Variants in ZNF423 observed in about 807,000 individuals in gnomAD.
ZNF423 encodes the protein Ebf-associated zinc finger protein.
A neutral mutation model predicts 95.8 loss-of-function variants in ZNF423; 12 were observed. That is an observed-to-expected ratio of 0.13 (90% CI 0.08 to 0.20). The LOEUF is 0.20. Ranked by LOEUF, ZNF423 falls within the 10% of genes least tolerant of loss-of-function variation. The pLI, the probability that ZNF423 is intolerant of heterozygous loss-of-function variation, is 1.00. For synonymous variants in ZNF423, 749 were observed against 711.9 expected, an observed-to-expected ratio of 1.05 and a Z score of -0.83; for missense variants, 1,316 against 1,737.1, an observed-to-expected ratio of 0.76 and a Z score of 4.31.
chr16:49,629,318 A>C (rs1316824706), intron 4 of ZNF423, among the ~76,000 whole-genome samples: 1 of 151,914 alleles, frequency 6.6e-6, no homozygotes, highest in African/African-American at 2.4e-5. Flanking sequence ...TGAAATTTCA[A>C]CTCCATTTAT....
intron 5 of ZNF423, among the ~76,000 whole-genome samples, chr16:49,536,105 GCA>G (rs1013931824): frequency 4.7e-4 from 72 of 152,122 alleles, no homozygotes; most frequent in African/African-American, 1.6e-3. Context: ...TTACCAACGG[GCA>G]CACACAAACA....
At chr16:49,791,241 C>T (rs1256572472) in intron 1 of ZNF423, among the ~76,000 whole-genome samples, 1 of 152,188 alleles carries the variant, frequency 6.6e-6, no homozygotes, top group Admixed American at 6.5e-5. Context: ...TATTGTTTTA[C>T]TTAGCTAGTT....
Position 49,492,062 on chromosome 16 carries a change from C to T in ZNF423, c.3850-758G>A, listed in dbSNP as rs1966994277. On this transcript the variant is annotated intron_variant, in intron 7 of 7. Transcript: ENST00000563137. This position sits in a 1 kb window ranked among gnomAD's most constrained non-coding sequence, Gnocchi z 4.2. The stretch of plus-strand genomic sequence containing the variant: ...GTTTCCCTCTCATTACAGTCAATGG[C>T]ATTTCCTCCCCCTGCCAGCCAGAGG... Among the ~76,000 whole-genome samples, 1 of 152,220 alleles carries T rather than the reference C, an allele frequency of 6.6e-6. No individual in the cohort carries two copies. The highest frequency in any genetic ancestry group is 6.5e-5 in the Admixed American group (1 of 15,286).
intron 3 of ZNF423, among the ~76,000 whole-genome samples, chr16:49,725,807 A>T (rs934020271): frequency 1.4e-4 from 22 of 152,288 alleles, no homozygotes; most frequent in African/African-American, 5.3e-4. Flanking sequence ...TGCCCCCAGC[A>T]CCAGACTGCC....
At chr16:49,653,818 T>C (rs920629831) in intron 3 of ZNF423, among the ~76,000 whole-genome samples, 1 of 152,210 alleles carries the variant, frequency 6.6e-6, no homozygotes, top group Admixed American at 6.5e-5. Context: ...TCTGTCATCC[T>C]CCCTGACTTC....
intron 5 of ZNF423, among the ~76,000 whole-genome samples, chr16:49,569,175 C>A (rs964365307): frequency 6.6e-5 from 10 of 152,204 alleles, no homozygotes. Flanking sequence ...CTTTTCCCTC[C>A]TGGATGACAA....
intron 3 of ZNF423, among the ~76,000 whole-genome samples, chr16:49,647,187 G>A (rs181924844): frequency 2.6e-5 from 4 of 152,168 alleles, no homozygotes; most frequent in African/African-American, 4.8e-5. Context: ...ACTTGAACCA[G>A]GTACAGGTCT....
intron 3 of ZNF423, among the ~76,000 whole-genome samples, chr16:49,653,032 C>G (rs1260610712): frequency 6.6e-6 from 1 of 152,184 alleles, no homozygotes; most frequent in Admixed American, 6.5e-5. Flanking sequence ...TTTTGTCGTG[C>G]TCTGTGAATC....
Position 49,589,311 on chromosome 16 carries a change from G to A in ZNF423, c.3601+36859C>T, listed in dbSNP as rs968330841. The stretch of plus-strand genomic sequence containing the variant: ...GTAGGAACTCTTGAGCCATCCATCT[G>A]CTGTCTTTAATATTAGTTTATAAAC... On this transcript the variant is annotated intron_variant, in intron 5 of 7. Transcript: ENST00000563137. Among the ~76,000 whole-genome samples the A allele has an allele frequency of 1.1e-4, 16 of 152,278 alleles. No individual in the cohort carries two copies. The East Asian group carries it at 2.9e-3, about 28-fold the overall frequency.
intron 5 of ZNF423, among the ~76,000 whole-genome samples, chr16:49,622,784 C>T (rs976130456): frequency 6.6e-5 from 10 of 152,330 alleles, no homozygotes; most frequent in Admixed American, 6.5e-4. Flanking sequence ...CCCCGGGTTC[C>T]TCATCTGTCA....
At chr16:49,658,573 C>T (rs776214136) in intron 3 of ZNF423, among the ~76,000 whole-genome samples, 10 of 152,224 alleles carry the variant, frequency 6.6e-5, no homozygotes, top group Non-Finnish European at 1.3e-4. Context: ...CAGCCCTGCC[C>T]GTGATGGGCA....
At chr16:49,620,835 G>A (rs576996321) in intron 5 of ZNF423, among the ~76,000 whole-genome samples, 7 of 151,732 alleles carry the variant, frequency 4.6e-5, no homozygotes, top group Non-Finnish European at 7.4e-5. Context: ...CCAGCAAATC[G>A]GCTTCCTGGG....
chr16:49,509,509 T>C (rs1190477735), intron 7 of ZNF423, among the ~76,000 whole-genome samples: 1 of 152,214 alleles, frequency 6.6e-6, no homozygotes, highest in Non-Finnish European at 1.5e-5. Flanking sequence ...GGCGCACGGC[T>C]GCTGACGGGT....
intron 5 of ZNF423, among the ~76,000 whole-genome samples, chr16:49,547,196 A>G (rs1347035402): frequency 7.2e-5 from 11 of 152,072 alleles, no homozygotes; most frequent in Non-Finnish European, 1.5e-4. Flanking sequence ...CATCCATTGC[A>G]GGGGTTTCTG....
At chr16:49,690,202 T>C (rs967619902) in intron 3 of ZNF423, among the ~76,000 whole-genome samples, 2 of 152,020 alleles carry the variant, frequency 1.3e-5, no homozygotes, top group African/African-American at 4.8e-5. Context: ...CACAGAGGGG[T>C]AAACTGTGGC....
At chr16:49,648,575 C>A (rs1478764868) in intron 3 of ZNF423, among the ~76,000 whole-genome samples, 1 of 151,950 alleles carries the variant, frequency 6.6e-6, no homozygotes, top group African/African-American at 2.4e-5. Context: ...TCGCTTGAAC[C>A]CAGAAGGTGG....
Position 49,606,036 on chromosome 16 carries a change from C to T in ZNF423, c.3601+20134G>A, listed in dbSNP as rs114413019. Among the ~76,000 whole-genome samples, 621 of 152,226 alleles carry T rather than the reference C, an allele frequency of 4.1e-3. 4 individuals are homozygous for T. The highest frequency in any genetic ancestry group is 0.014 in the African/African-American group (567 of 41,518). On this transcript the variant is annotated intron_variant, in intron 5 of 7. Coordinates refer to ENST00000563137, the MANE Select transcript of ZNF423 (RefSeq NM_001379286.1). ...GGGCTGAGCAGAAAGAGGGAAGGGC[C>T]GCTGTCACAGCCGCGTGCACCTGCA...
In ZNF423 at chr16:49,845,009, T is replaced by A. The variant is rs534297714; in HGVS notation, c.40+10726A>T. Among the ~76,000 whole-genome samples the A allele has an allele frequency of 2.3e-4, 25 of 110,112 alleles. 1 individual carries two copies. The highest frequency in any genetic ancestry group is 3.8e-4 in the Non-Finnish European group (23 of 60,494). The allele number at this position is 110,112 out of a possible 152,430, so 72.2% of individuals were successfully genotyped here. On this transcript the variant is annotated intron_variant, in intron 1 of 7. Transcript: ENST00000563137. ...GAGTTCGCGCCATTGCACTCAAGCCTGGGCATCAAGAGCGAAACTCCATCT... is the reference window on the plus strand; with the variant it reads ...GAGTTCGCGCCATTGCACTCAAGCCAGGGCATCAAGAGCGAAACTCCATCT...
At chr16:49,556,600 C>G (rs866187343) in intron 5 of ZNF423, among the ~76,000 whole-genome samples, 16 of 152,330 alleles carry the variant, frequency 1.1e-4, no homozygotes, top group South Asian at 4.1e-4. Context: ...GCAGCCTCCC[C>G]CTACCCCTCT....
Sources: gnomAD v4.1 joint callset for allele counts (sites outside exome capture counted in the v4.1 genomes callset) on GRCh38, gnomAD v4.1.1 for gene constraint, Gnocchi (gnomAD v3.1) non-coding constraint, MANE v1.5 for transcripts, NCBI Gene and HGNC (gene_info 2026-07-23, HGNC 2026-07-21) for gene names.